The following CNTN5 variants were observed in gnomAD, a reference collection of about 807,000 sequenced individuals.
CNTN5 encodes the protein contactin-5.
Under a neutral mutation model 129.1 loss-of-function variants are expected in CNTN5, and 77 were observed. The observed-to-expected ratio is 0.60, with a 90% CI of 0.50 to 0.72. The LOEUF is 0.72. Ranked by LOEUF, CNTN5 falls within the 30% of genes least tolerant of loss-of-function variation. CNTN5 has a pLI of 0.00. For missense variants in CNTN5, 1,478 were observed against 1,328.8 expected (o/e 1.11, Z -1.75); for synonymous variants, 509 against 465.6 (o/e 1.09, Z -1.20).
chr11:99,300,658 T>C (rs1425303130), intron 1 of CNTN5, among the ~76,000 whole-genome samples: 2 of 152,054 alleles, frequency 1.3e-5, no homozygotes, highest in Admixed American at 1.3e-4. Flanking sequence ...AGAGGAATTA[T>C]GATATCTCTG....
intron 3 of CNTN5, among the ~76,000 whole-genome samples, chr11:99,728,617 G>A (rs552397169): frequency 2.1e-4 from 32 of 152,220 alleles, no homozygotes; most frequent in African/African-American, 7.0e-4. Context: ...CAAAGTTGTC[G>A]GGATAGAAAC....
chr11:100,048,105 T>C (rs776274342), intron 9 of CNTN5, among the ~76,000 whole-genome samples: 11 of 152,114 alleles, frequency 7.2e-5, no homozygotes, highest in Non-Finnish European at 1.2e-4. Flanking sequence ...TACTCCAGCC[T>C]GGGTGACAGA....
chr11:100,288,114 C>A (rs1233413473), intron 18 of CNTN5, among the ~76,000 whole-genome samples: 1 of 152,096 alleles, frequency 6.6e-6, no homozygotes, highest in East Asian at 1.9e-4. Flanking sequence ...AAAGCAAGTG[C>A]TTAGTGACCT....
Position 100,040,963 on chromosome 11 carries a change from C to T in CNTN5, c.981-20249C>T, listed in dbSNP as rs146167631. On this transcript the variant is annotated intron_variant, in intron 9 of 24. Coordinates refer to ENST00000524871, the MANE Select transcript of CNTN5 (RefSeq NM_014361.4). Reference sequence around the variant, plus strand: ...TCCTCGCCCTGCTTTGGCTCATGCACGGTGCACTGCACCCACTGTCCTGCA... The same window carrying T: ...TCCTCGCCCTGCTTTGGCTCATGCATGGTGCACTGCACCCACTGTCCTGCA... 1.4e-4 allele frequency among the ~76,000 whole-genome samples: 21 copies of T among 152,252 alleles called. No homozygotes were observed. The East Asian group carries it at 2.9e-3, about 21-fold the overall frequency.
chr11:99,940,337 T>C (rs2136108678), intron 7 of CNTN5, among the ~76,000 whole-genome samples: 1 of 152,260 alleles, frequency 6.6e-6, no homozygotes, highest in South Asian at 2.1e-4. Flanking sequence ...TTAGTAGAGA[T>C]TGCTGACTCT....
chr11:99,719,482 GA>G (rs1943094650), intron 3 of CNTN5, among the ~76,000 whole-genome samples: 1 of 151,978 alleles, frequency 6.6e-6, no homozygotes, highest in Non-Finnish European at 1.5e-5. Flanking sequence ...CAGTGAAGAG[GA>G]AACAAAGGAT....
intron 3 of CNTN5, among the ~76,000 whole-genome samples, chr11:99,808,681 A>G (rs1208286749): frequency 6.6e-6 from 1 of 152,172 alleles, no homozygotes; most frequent in East Asian, 1.9e-4. Flanking sequence ...GCAAAATAAA[A>G]ACCATAAACA....
intron 1 of CNTN5, among the ~76,000 whole-genome samples, chr11:99,207,968 G>A (rs971694062): frequency 2.0e-5 from 3 of 152,120 alleles, no homozygotes; most frequent in African/African-American, 4.8e-5. Flanking sequence ...CAAAGCCATC[G>A]AATAATGTTA....
At chr11:99,744,320 C>T (rs2135176158) in intron 3 of CNTN5, among the ~76,000 whole-genome samples, 1 of 151,146 alleles carries the variant, frequency 6.6e-6, no homozygotes, top group East Asian at 1.9e-4. Flanking sequence ...CTGGCCCCCA[C>T]AAACAAACAA....
intron 2 of CNTN5, among the ~76,000 whole-genome samples, chr11:99,409,588 C>T (rs934757836): frequency 2.3e-4 from 35 of 152,082 alleles, no homozygotes; most frequent in African/African-American, 7.5e-4. Flanking sequence ...TGAATTAATA[C>T]GTTGGTGATT....
chr11:99,590,126 A>C (rs1298576333), intron 3 of CNTN5, among the ~76,000 whole-genome samples: 1 of 152,216 alleles, frequency 6.6e-6, no homozygotes, highest in Non-Finnish European at 1.5e-5. Flanking sequence ...TGTAAGCGGA[A>C]GAGAAATTCA....
chr11:100,016,222 G>T (rs1357548793), intron 9 of CNTN5, among the ~76,000 whole-genome samples: 1 of 152,078 alleles, frequency 6.6e-6, no homozygotes, highest in Non-Finnish European at 1.5e-5. Context: ...AGATACGGGA[G>T]AAGGGAGGGT....
chr11:99,544,522 A>G (rs1948226702), intron 2 of CNTN5, among the ~76,000 whole-genome samples: 1 of 152,210 alleles, frequency 6.6e-6, no homozygotes, highest in Non-Finnish European at 1.5e-5. Flanking sequence ...AAAATCCAAT[A>G]GCTTTCTTTT....
At chr11:100,285,602 A>G (rs1950764012) in intron 18 of CNTN5, among the ~76,000 whole-genome samples, 1 of 152,258 alleles carries the variant, frequency 6.6e-6, no homozygotes, top group Non-Finnish European at 1.5e-5. Flanking sequence ...GTTGAATGAA[A>G]GACTATGCTA....
intron 1 of CNTN5, among the ~76,000 whole-genome samples, chr11:99,023,562 C>A (rs1862981502): frequency 6.6e-6 from 1 of 152,178 alleles, no homozygotes; most frequent in Non-Finnish European, 1.5e-5. Context: ...GAAAACTTCT[C>A]TAGATGGCTG....
intron 3 of CNTN5, among the ~76,000 whole-genome samples, chr11:99,588,226 C>G (rs908333331): frequency 6.6e-6 from 1 of 151,760 alleles, no homozygotes; most frequent in Non-Finnish European, 1.5e-5. Flanking sequence ...CGCCTATAGT[C>G]CCAGCTACTC....
At chr11:99,169,786 A>G (rs1434918829) in intron 1 of CNTN5, among the ~76,000 whole-genome samples, 1 of 152,230 alleles carries the variant, frequency 6.6e-6, no homozygotes, top group Non-Finnish European at 1.5e-5. Flanking sequence ...CCCTAATGTT[A>G]TACATAATCC....
intron 6 of CNTN5, among the ~76,000 whole-genome samples, chr11:99,899,430 T>A (rs1216863905): frequency 1.3e-5 from 2 of 152,068 alleles, no homozygotes. Flanking sequence ...GTATTTATTA[T>A]GAAGAGATGT....
chr11:100,049,014 A>T (rs181870083), intron 9 of CNTN5, among the ~76,000 whole-genome samples: 10 of 152,266 alleles, frequency 6.6e-5, no homozygotes, highest in African/African-American at 2.2e-4. Flanking sequence ...AAATAAAGAC[A>T]TTTTTAGCTA....
Sources: allele counts gnomAD v4.1 joint callset (sites outside exome capture counted in the v4.1 genomes callset), GRCh38; gene constraint gnomAD v4.1.1; transcripts MANE v1.5; gene names NCBI Gene and HGNC (gene_info 2026-07-23, HGNC 2026-07-21).